LRBA: variants seen among roughly 807,000 people sequenced by gnomAD.
LRBA encodes LPS responsive beige-like anchor protein, also known as lipopolysaccharide-responsive and beige-like anchor protein.
A neutral mutation model predicts 330.0 loss-of-function variants in LRBA; 176 were observed. The observed-to-expected ratio is 0.53, with a 90% CI of 0.47 to 0.60. The LOEUF is 0.60. Among genes scored for constraint, LRBA ranks in the 20% least tolerant of loss-of-function variants. LRBA has a pLI of 0.00. For missense variants in LRBA, 3,259 were observed against 3,444.8 expected (o/e 0.95, Z 1.35); for synonymous variants, 1,230 against 1,193.0 (o/e 1.03, Z -0.64).
At chr4:150,536,802 C>A (rs1432797204) in intron 40 of LRBA, among the ~76,000 whole-genome samples, 1 of 151,978 alleles carries the variant, frequency 6.6e-6, no homozygotes, top group Admixed American at 6.6e-5. Context: ...ACAAAGAGAA[C>A]AACATAACAT....
chr4:150,900,305 C>T (rs564471130), intron 13 of LRBA, 88 bp from the exon 14 acceptor site: 133 of 887,958 alleles, frequency 1.5e-4, no homozygotes, highest in East Asian at 2.5e-4. Flanking sequence ...ATTTTCACCA[C>T]GCTTCTTCCA....
chr4:150,586,069 T>C (rs1772079317), intron 40 of LRBA, among the ~76,000 whole-genome samples: 1 of 152,194 alleles, frequency 6.6e-6, no homozygotes, highest in South Asian at 2.1e-4. Flanking sequence ...TTCTTCACAG[T>C]AATATTAAGT....
chr4:150,561,865 C>A (rs939872451), intron 40 of LRBA, among the ~76,000 whole-genome samples: 1 of 152,046 alleles, frequency 6.6e-6, no homozygotes, highest in East Asian at 1.9e-4. Flanking sequence ...GGAATCAATT[C>A]CTGTACTAAA....
intron 37 of LRBA, among the ~76,000 whole-genome samples, chr4:150,648,081 C>A (rs140819745): frequency 1.1e-4 from 15 of 141,776 alleles, no homozygotes; most frequent in African/African-American, 3.9e-4. Context: ...AAGAGATACC[C>A]AAGCAGCATC....
chr4:150,781,026 C>T (rs1366396843), intron 34 of LRBA, among the ~76,000 whole-genome samples: 1 of 151,834 alleles, frequency 6.6e-6, no homozygotes, highest in African/African-American at 2.4e-5. Flanking sequence ...ACTACAGGCG[C>T]CCACCACCAC....
chr4:150,572,222 CT>C (rs1324810630), intron 40 of LRBA, among the ~76,000 whole-genome samples: 10 of 152,094 alleles, frequency 6.6e-5, no homozygotes, highest in African/African-American at 2.4e-4. Context: ...CCTTCTACTC[CT>C]ATTTTATTCT....
intron 35 of LRBA, among the ~76,000 whole-genome samples, chr4:150,737,584 G>GT (rs1329667392): frequency 2.6e-5 from 4 of 152,062 alleles, no homozygotes; most frequent in Non-Finnish European, 5.9e-5. Context: ...TCTATCCTCA[G>GT]TAAGTATCCT....
At position 150,843,529 on chromosome 4, in the gene LRBA, T is replaced by C. The variant is rs116443594; in HGVS notation, c.4569+571A>G. Reference sequence around the variant, plus strand: ...AGCTGAAACAAAACTGTTTTTCAACTTTAAAAAATTAGAAACACCAAACTG... The same window carrying C: ...AGCTGAAACAAAACTGTTTTTCAACCTTAAAAAATTAGAAACACCAAACTG... On this transcript the variant is annotated intron_variant, in intron 28 of 56. Transcript: ENST00000651943. Among the ~76,000 whole-genome samples, 633 of 152,318 alleles carry C rather than the reference T, an allele frequency of 4.2e-3. 3 individuals carry two copies. The highest frequency in any genetic ancestry group is 0.015 in the African/African-American group (612 of 41,578).
chr4:150,828,922 GGTGTGTGTGTGT>G (rs753950457), intron 29 of LRBA, among the ~76,000 whole-genome samples: 3 of 106,238 alleles, frequency 2.8e-5, no homozygotes, highest in African/African-American at 1.3e-4. Flanking sequence ...CTTTTTTGGG[GGTGTGTGTGTGT>G]GTGTGTGTGT....
chr4:150,590,621 G>T, intron 39 of LRBA, 92 bp downstream of exon 39: 2 of 1,074,708 alleles, frequency 1.9e-6, no homozygotes, highest in Non-Finnish European at 2.7e-6. Flanking sequence ...GTATAAACTT[G>T]GTAGTCCTAG....
At chr4:150,270,469 G>A (rs544595705) in intron 56 of LRBA, among the ~76,000 whole-genome samples, 2 of 152,324 alleles carry the variant, frequency 1.3e-5, no homozygotes, top group South Asian at 2.1e-4. Context: ...CCACTTAACA[G>A]AAGGTGCTTA....
intron 44 of LRBA, among the ~76,000 whole-genome samples, chr4:150,459,164 T>A (rs527529710): frequency 6.6e-6 from 1 of 151,914 alleles, no homozygotes; most frequent in Non-Finnish European, 1.5e-5. Flanking sequence ...TCTAATAGCA[T>A]GACAGCAGAA....
chr4:150,819,023 T>G (rs1313223592), intron 30 of LRBA, among the ~76,000 whole-genome samples: 4 of 151,996 alleles, frequency 2.6e-5, no homozygotes, highest in African/African-American at 9.7e-5. Flanking sequence ...TTTATGCAGA[T>G]ATAGTAAATT....
At chr4:150,906,132 G>T in intron 12 of LRBA, 142 bp from the exon 13 acceptor site, 1 of 835,616 alleles carries the variant, frequency 1.2e-6, no homozygotes, top group Non-Finnish European at 1.9e-6. Flanking sequence ...ACATTTGTTT[G>T]ATAGAGGAAT....
intron 33 of LRBA, 144 bp downstream of exon 33, chr4:150,806,127 A>G (rs1014086225): frequency 2.1e-6 from 1 of 487,722 alleles, no homozygotes; most frequent in Non-Finnish European, 3.5e-6. Flanking sequence ...CATGTGACAC[A>G]GTCTTCAAAA....
At chr4:150,570,446 G>T (rs1184459804) in intron 40 of LRBA, among the ~76,000 whole-genome samples, 1 of 152,068 alleles carries the variant, frequency 6.6e-6, no homozygotes, top group Non-Finnish European at 1.5e-5. Flanking sequence ...CTCGAGACAT[G>T]TCAGGCCAAT....
intron 2 of LRBA, among the ~76,000 whole-genome samples, chr4:150,931,307 A>T (rs191881095): frequency 6.6e-6 from 1 of 151,988 alleles, no homozygotes; most frequent in East Asian, 1.9e-4. Flanking sequence ...AAGATTTAAA[A>T]AAAGGCATGT....
At chr4:150,328,535 C>T (rs892745001) in intron 48 of LRBA, among the ~76,000 whole-genome samples, 12 of 151,956 alleles carry the variant, frequency 7.9e-5, no homozygotes, top group Admixed American at 1.3e-4. Context: ...GGGGTGAAAC[C>T]ATCCCTAACA....
intron 47 of LRBA, among the ~76,000 whole-genome samples, chr4:150,394,724 T>C (rs1744471047): frequency 6.6e-6 from 1 of 152,216 alleles, no homozygotes; most frequent in Non-Finnish European, 1.5e-5. Context: ...GGCACAGGCT[T>C]CACTTGGTAT....
Sources: allele counts gnomAD v4.1 joint callset (sites outside exome capture counted in the v4.1 genomes callset), GRCh38; gene constraint gnomAD v4.1.1; transcripts MANE v1.5; gene names NCBI Gene and HGNC (gene_info 2026-07-23, HGNC 2026-07-21).